ZNF771: variants seen among roughly 807,000 people sequenced by gnomAD.
ZNF771 encodes the protein mesenchymal stem cell protein DSC43.
Under a neutral mutation model 27.6 loss-of-function variants are expected in ZNF771, and 10 were observed. The ratio of observed to expected loss-of-function variants is 0.36; its 90% CI spans 0.22 to 0.61. ZNF771 has a LOEUF of 0.61. Among genes scored for constraint, ZNF771 ranks in the 20% least tolerant of loss-of-function variants. The pLI is 0.70. For missense variants in ZNF771, 438 were observed against 503.7 expected (o/e 0.87, Z 1.25); for synonymous variants, 261 against 225.2 (o/e 1.16, Z -1.43).
At chr16:30,416,420 C>T (rs1342036866) in intron 2 of ZNF771, among the ~76,000 whole-genome samples, 1 of 152,170 alleles carries the variant, frequency 6.6e-6, no homozygotes, top group African/African-American at 2.4e-5. Context: ...CTGTAAATGG[C>T]AACTCCACCT....
chr16:30,415,753 G>A lies in ZNF771; in HGVS notation c.142-1802G>A, dbSNP rs528481779. 4.6e-5 allele frequency among the ~76,000 whole-genome samples: 7 copies of A among 152,104 alleles called. No homozygotes were observed. The East Asian group carries it at 9.7e-4, about 21-fold the overall frequency. On this transcript the variant is annotated intron_variant, in intron 2 of 2. Transcript: ENST00000319296. ...TGATGATAATTACCTCGTGGAGATC[G>A]AATATGGGAGAAGCTGACACTGTCT...
In ZNF771 at chr16:30,418,080, C is replaced by G; in HGVS notation, c.667C>G (p.Arg223Gly). ...AQSSALAKHRRVHTGEKPHRC... is the reference protein window; with the variant it reads ...AQSSALAKHRGVHTGEKPHRC... ...GAGCTCGGCGCTGGCCAAGCACCGG[C>G]GCGTGCACACGGGCGAGAAGCCGCA... The change falls in exon 3 of 3, where the codon CGC (arginine) becomes GGC (glycine). Residue 223 changes from arginine to glycine, a missense_variant. Physicochemically the swap from Arg to Gly is moderately radical, Grantham distance 125. Around this residue, in one of 3 missense-constraint regions of ZNF771, gnomAD observed 305 missense variants for 308.0 expected, o/e 0.99. Transcript: ENST00000319296. The G allele has an allele frequency of 6.8e-7, 1 of 1,477,554 alleles. No homozygotes were observed. The allele number at this position is 1,477,554 out of a possible 1,614,324, so 91.5% of individuals were successfully genotyped here. A position where few individuals can be genotyped will look rare whatever the true frequency, so the allele number is the denominator to read the frequency against.
Position 30,418,317 on chromosome 16 carries a change from G to A in ZNF771, c.904G>A (p.Ala302Thr), listed in dbSNP as rs2050149592. 4 of 1,481,942 alleles carry A rather than the reference G, an allele frequency of 2.7e-6. No homozygotes were observed. In the East Asian group the frequency reaches 8.3e-5, roughly 31 times the overall value. The allele number at this position is 1,481,942 out of a possible 1,614,324, so 91.8% of individuals were successfully genotyped here. The part of the protein sequence containing the change: ...CGRDFKLPPG[A>T]TAATATERCP... ...CAGGGACTTCAAGCTGCCCCCTGGCGCCACGGCCGCCACTGCCACCGAGCG... is the reference window on the plus strand; with the variant it reads ...CAGGGACTTCAAGCTGCCCCCTGGCACCACGGCCGCCACTGCCACCGAGCG... The change falls in exon 3 of 3, where the codon GCC (alanine) becomes ACC (threonine). Residue 302 changes from alanine to threonine, a missense_variant. This residue lies in a region of ZNF771 where 305 missense variants were observed against 308.0 expected (regional missense o/e 0.99). Coordinates refer to ENST00000319296, the MANE Select transcript of ZNF771 (RefSeq NM_001142305.2).
At position 30,408,127 on chromosome 16, in the gene ZNF771, G is replaced by A. The variant is rs371575967; in HGVS notation, c.74G>A (p.Gly25Asp). Residue 25 changes from glycine to aspartate, a missense_variant, in exon 2 of 3, where the codon GGT becomes GAT. Around this residue, in one of 3 missense-constraint regions of ZNF771, gnomAD observed 84 missense variants for 89.2 expected, o/e 0.94. Transcript: ENST00000319296. ...MQEEMVLLVK[G>D]EEDEGEEKYE... is the part of the protein sequence containing the mutation. ...GAGGAGATGGTGCTGCTGGTGAAGG[G>A]TGAGGAGGATGAGGGTGAGGAGAAG... 6.2e-7 allele frequency: 1 copy of A among 1,610,998 alleles called. No homozygotes were observed. The highest frequency in any genetic ancestry group is 8.5e-7 in the Non-Finnish European group (1 of 1,177,430).
At chr16:30,416,304 A>G (rs1301751742) in intron 2 of ZNF771, among the ~76,000 whole-genome samples, 1 of 151,946 alleles carries the variant, frequency 6.6e-6, no homozygotes, top group Non-Finnish European at 1.5e-5. Flanking sequence ...CTCAATTAAC[A>G]TCTCCAGTCT....
intron 2 of ZNF771, among the ~76,000 whole-genome samples, chr16:30,417,166 T>G (rs1422481043): frequency 1.3e-5 from 2 of 152,202 alleles, no homozygotes; most frequent in African/African-American, 4.8e-5. Context: ...CATGTTATCA[T>G]ATCGGTAAAG....
At chr16:30,408,775 G>T (rs1473277714) in intron 2 of ZNF771, among the ~76,000 whole-genome samples, 1 of 152,100 alleles carries the variant, frequency 6.6e-6, no homozygotes, top group Non-Finnish European at 1.5e-5. Context: ...GGTCAGAAGT[G>T]GGGTGATGGA....
In ZNF771 at chr16:30,417,819, C is replaced by T. The variant is rs1442686539; in HGVS notation, c.406C>T (p.Gln136Ter). Residue 136 changes from glutamine to a stop codon, truncating the protein, a stop_gained, in exon 3 of 3, where the codon CAG becomes TAG. Transcript: ENST00000319296. LOFTEE classifies it high-confidence loss of function. ...CTTCTCGGCCGCCTCGAACCTGCGG[C>T]AGCACCGGCGGCGGCACACGGGCGA... ...KRFSAASNLR[Q>*]HRRRHTGEKP... The T allele has an allele frequency of 2.0e-6, 3 of 1,497,656 alleles. No homozygotes were observed. The highest frequency in any genetic ancestry group is 1.2e-5 in the South Asian group (1 of 80,206). The allele number at this position is 1,497,656 out of a possible 1,614,324, so 92.8% of individuals were successfully genotyped here.
chr16:30,418,594 C>A lies in ZNF771; in HGVS notation c.*227C>A. Reference sequence around the variant, plus strand: ...GTTAGTGAATAAAGTATTATATCCTCACCCCACCCGTGCCTGTGAGTGAGG... The same window carrying A: ...GTTAGTGAATAAAGTATTATATCCTAACCCCACCCGTGCCTGTGAGTGAGG... On this transcript the variant is annotated 3_prime_UTR_variant, in exon 3 of 3. Coordinates refer to ENST00000319296, the MANE Select transcript of ZNF771 (RefSeq NM_001142305.2). The A allele has an allele frequency of 2.3e-6, 1 of 433,896 alleles. No homozygotes were observed. Among genetic ancestry groups the A allele is most frequent in the Non-Finnish European group, 4.0e-6 (1 of 251,540 alleles). The allele number at this position is 433,896 out of a possible 1,614,324, so 26.9% of individuals were successfully genotyped here.
At chr16:30,412,069 C>G (rs1340304611) in intron 2 of ZNF771, among the ~76,000 whole-genome samples, 1 of 152,164 alleles carries the variant, frequency 6.6e-6, no homozygotes, top group Non-Finnish European at 1.5e-5. Flanking sequence ...ATTCAAAGCT[C>G]TTTACCATCT....
Position 30,417,840 on chromosome 16 carries a change from G to GGCGAGAAGCCGTACGCAT in ZNF771, c.431_448dup (p.Glu144_Cys149dup). The GGCGAGAAGCCGTACGCAT allele has an allele frequency of 2.7e-6, 4 of 1,505,282 alleles. No individual in the cohort carries two copies. The highest frequency in any genetic ancestry group is 3.5e-6 in the Non-Finnish European group (4 of 1,136,040). 93.2% of individuals were successfully genotyped at this position (1,505,282 alleles called of 1,614,324 possible). A position where few individuals can be genotyped will look rare whatever the true frequency, so the allele number is the denominator to read the frequency against. The stretch of plus-strand genomic sequence containing the variant: ...GCGGCAGCACCGGCGGCGGCACACG[G>GGCGAGAAGCCGTACGCAT]GCGAGAAGCCGTACGCATGCGCGCA... On this transcript the variant is annotated inframe_insertion, in exon 3 of 3. Transcript: ENST00000319296.
chr16:30,410,195 C>T (rs1374811887), intron 2 of ZNF771, among the ~76,000 whole-genome samples: 2 of 151,936 alleles, frequency 1.3e-5, no homozygotes, highest in African/African-American at 4.8e-5. Context: ...CTCCACCTAC[C>T]GGGTTCATGC....
intron 2 of ZNF771, chr16:30,414,076 C>G (rs1477278770): frequency 6.6e-6 from 1 of 152,114 alleles, no homozygotes; most frequent in Non-Finnish European, 1.5e-5. Context: ...TGAGGAAGCC[C>G]TCAGGCTGTC....
At chr16:30,407,918 A>T in intron 1 of ZNF771, 127 bp from the exon 2 acceptor site, 1 of 599,222 alleles carries the variant, frequency 1.7e-6, no homozygotes, top group Non-Finnish European at 2.8e-6. Context: ...AGAGGACCAG[A>T]TTCGGAGACC....
Position 30,418,524 on chromosome 16 carries a change from C to A in ZNF771, c.*157C>A, listed in dbSNP as rs1249165931. Reference sequence around the variant, plus strand: ...CAGGGAGAATCCCCTGCCGGGGTCCCTGGAAACAGTGCCCACCCCACATCA... The same window carrying A: ...CAGGGAGAATCCCCTGCCGGGGTCCATGGAAACAGTGCCCACCCCACATCA... On this transcript the variant is annotated 3_prime_UTR_variant, in exon 3 of 3. Transcript: ENST00000319296. 2 of 701,108 alleles carry A rather than the reference C, an allele frequency of 2.9e-6. No individual in the cohort carries two copies. Among genetic ancestry groups the A allele is most frequent in the Non-Finnish European group, 2.2e-6 (1 of 464,858 alleles). 43.4% of individuals were successfully genotyped at this position (701,108 alleles called of 1,614,324 possible). A position where few individuals can be genotyped will look rare whatever the true frequency, so the allele number is the denominator to read the frequency against.
intron 2 of ZNF771, among the ~76,000 whole-genome samples, chr16:30,415,660 C>T (rs542648555): frequency 5.9e-5 from 9 of 152,292 alleles, no homozygotes; most frequent in African/African-American, 9.6e-5. Context: ...GTATTACAGG[C>T]GTGAGCCACT....
chr16:30,416,247 T>C (rs1243657924), intron 2 of ZNF771, among the ~76,000 whole-genome samples: 2 of 152,062 alleles, frequency 1.3e-5, no homozygotes, highest in Admixed American at 6.6e-5. Context: ...GATGATCTCA[T>C]CCACTCATTC....
chr16:30,408,851 G>A (rs1018431672), intron 2 of ZNF771, among the ~76,000 whole-genome samples: 2 of 152,134 alleles, frequency 1.3e-5, no homozygotes, highest in African/African-American at 4.8e-5. Context: ...GTCTCATTCA[G>A]TCACCCAAGC....
In ZNF771 at chr16:30,417,945, C is replaced by T. The variant is rs2050144957; in HGVS notation, c.532C>T (p.Pro178Ser). The change falls in exon 3 of 3, where the codon CCG becomes TCG. Residue 178 changes from proline to serine, a missense_variant. Pro to Ser is a moderately conservative substitution (Grantham distance 74). Coordinates refer to ENST00000319296, the MANE Select transcript of ZNF771 (RefSeq NM_001142305.2). ...CACGGGCGAGAAGCCGTACGCGTGC[C>T]CGGACTGCGGACGCGCCTTTGGCGG... ...VHTGEKPYAC[P>S]DCGRAFGGSS... The T allele has an allele frequency of 6.6e-7, 1 of 1,507,156 alleles. No individual in the cohort carries two copies. The highest frequency in any genetic ancestry group is 1.2e-5 in the South Asian group (1 of 80,958). 93.4% of individuals were successfully genotyped at this position (1,507,156 alleles called of 1,614,324 possible).
Sources: allele counts gnomAD v4.1 joint callset (sites outside exome capture counted in the v4.1 genomes callset), GRCh38; gene constraint gnomAD v4.1.1; regional missense constraint gnomAD v4.1.1; transcripts MANE v1.5; gene names NCBI Gene and HGNC (gene_info 2026-07-23, HGNC 2026-07-21).